DMXL1: variants seen among roughly 807,000 people sequenced by gnomAD.
The protein encoded by DMXL1 is dmX-like protein 1.
DMXL1 carries 99 observed loss-of-function variants against 319.2 expected under a neutral mutation model. The observed-to-expected ratio is 0.31, with a 90% CI of 0.26 to 0.37. DMXL1 has a LOEUF of 0.37. Ranked by LOEUF, DMXL1 falls within the 10% of genes least tolerant of loss-of-function variation. The pLI is 1.00. For synonymous variants in DMXL1, 1,385 were observed against 1,235.2 expected (o/e 1.12, Z -2.54); for missense variants, 3,745 against 3,595.6 (o/e 1.04, Z -1.06).
intron 3 of DMXL1, 37 bp from the exon 4 acceptor site, chr5:119,105,143 C>A: frequency 1.5e-6 from 2 of 1,318,606 alleles, no homozygotes; most frequent in South Asian, 1.2e-5. Flanking sequence ...GAAAATATGC[C>A]AATCATAATG....
chr5:119,235,607 C>T (rs553578195), intron 39 of DMXL1, among the ~76,000 whole-genome samples: 3 of 152,028 alleles, frequency 2.0e-5, no homozygotes, highest in Non-Finnish European at 4.4e-5. Context: ...AGAGAAAGGG[C>T]CTACCAAGTA....
At chr5:119,222,626 A>T (rs1216832772) in intron 37 of DMXL1, among the ~76,000 whole-genome samples, 1 of 152,172 alleles carries the variant, frequency 6.6e-6, no homozygotes, top group African/African-American at 2.4e-5. Context: ...TTCTTTACAC[A>T]GCAGCAGCCA....
chr5:119,103,144 A>T (rs558476054), intron 3 of DMXL1, among the ~76,000 whole-genome samples: 35 of 150,912 alleles, frequency 2.3e-4, no homozygotes, highest in Non-Finnish European at 2.4e-4. Flanking sequence ...ACTGGTTTCT[A>T]TTTCTGGGTC....
chr5:119,091,424 C>G (rs1283148197), intron 1 of DMXL1, among the ~76,000 whole-genome samples: 2 of 151,988 alleles, frequency 1.3e-5, no homozygotes, highest in African/African-American at 4.8e-5. Context: ...GCTGCCCAGC[C>G]TGGTTTCAAA....
chr5:119,072,556 AACT>A (rs1219521910), intron 1 of DMXL1, among the ~76,000 whole-genome samples: 3 of 152,290 alleles, frequency 2.0e-5, no homozygotes, highest in Admixed American at 2.0e-4. Context: ...ATAAAAGTAA[AACT>A]TAATTTTGTA....
At chr5:119,078,836 G>C (rs986640463) in intron 1 of DMXL1, among the ~76,000 whole-genome samples, 8 of 152,080 alleles carry the variant, frequency 5.3e-5, no homozygotes, top group African/African-American at 1.9e-4. Context: ...TTTAATTCTT[G>C]ACCTTATTAC....
chr5:119,153,229 G>A lies in DMXL1; in HGVS notation c.4702+1193G>A, dbSNP rs373782389. 1.0e-3 allele frequency among the ~76,000 whole-genome samples: 154 copies of A among 152,180 alleles called. 1 individual carries two copies. The highest frequency in any genetic ancestry group is 3.6e-3 in the African/African-American group (149 of 41,526). ...TGACCTCAAGCAATCCACCTGCCTC[G>A]GCCTCCCAAAGTGCTGGGCATTATG... On this transcript the variant is annotated intron_variant, in intron 19 of 43. Transcript: ENST00000539542.
chr5:119,161,174 C>A (rs1772187124), intron 19 of DMXL1, among the ~76,000 whole-genome samples: 2 of 152,280 alleles, frequency 1.3e-5, no homozygotes, highest in South Asian at 4.1e-4. Context: ...GCAGGGCTTG[C>A]AGTTGGGTTC....
chr5:119,238,314 A>G (rs1435300125), intron 40 of DMXL1, among the ~76,000 whole-genome samples: 2 of 152,052 alleles, frequency 1.3e-5, no homozygotes, highest in Non-Finnish European at 2.9e-5. Context: ...TGGTGTGGTG[A>G]TTTTGGGATA....
At chr5:119,121,892 C>T (rs1390455164) in intron 9 of DMXL1, among the ~76,000 whole-genome samples, 7 of 149,292 alleles carry the variant, frequency 4.7e-5, no homozygotes, top group Admixed American at 2.6e-4. Flanking sequence ...CTGGACGGGG[C>T]GGCTGGCCGG....
intron 34 of DMXL1, among the ~76,000 whole-genome samples, chr5:119,215,512 T>C (rs1019999340): frequency 3.9e-5 from 6 of 152,090 alleles, no homozygotes; most frequent in Non-Finnish European, 7.4e-5. Context: ...TAGTTAATTT[T>C]TGTAATTTTA....
intron 23 of DMXL1, among the ~76,000 whole-genome samples, chr5:119,169,277 T>C (rs148998270): frequency 1.3e-5 from 2 of 152,350 alleles, no homozygotes; most frequent in East Asian, 1.9e-4. Context: ...ATTAAACTTG[T>C]ATTCTTCTAG....
rs546975154 is a variant in DMXL1 at position 119,108,450 on chromosome 5, G to A, written c.365-1701G>A. Among the ~76,000 whole-genome samples, 28 of 152,116 alleles carry A rather than the reference G, an allele frequency of 1.8e-4. 1 individual carries two copies. In the South Asian group the frequency reaches 5.4e-3, roughly 29 times the overall value. On this transcript the variant is annotated intron_variant, in intron 4 of 43. Transcript: ENST00000539542. Reference sequence around the variant, plus strand: ...TTTTTTCATTTTTTCTTGAGACAGGGTCTTGCTCTGTTGCCCAGGCTAGAC... The same window carrying A: ...TTTTTTCATTTTTTCTTGAGACAGGATCTTGCTCTGTTGCCCAGGCTAGAC...
intron 13 of DMXL1, chr5:119,138,947 T>C (rs899513049): frequency 2.6e-5 from 4 of 152,228 alleles, no homozygotes; most frequent in African/African-American, 9.6e-5. Flanking sequence ...TGCAAATTCA[T>C]GAAGTGTTCC....
Position 119,149,169 on chromosome 5 carries a change from C to A in DMXL1, c.3342C>A (p.Ser1114Arg). 1 of 1,613,570 alleles carries A rather than the reference C, an allele frequency of 6.2e-7. No homozygotes were observed. ...TVLDSGISVD[S>R]NLVAYNKQDM... ...TGGATTCTGGCATTAGTGTTGATAG[C>A]AATTTAGTGGCCTATAATAAACAAG... Residue 1114 changes from serine (S) to arginine (R), a missense_variant, in exon 18 of 44, where the codon AGC (serine) becomes AGA (arginine). Ser to Arg is a moderately radical substitution (Grantham distance 110). This residue lies in a region of DMXL1 where 2,096 missense variants were observed against 1,985.4 expected (regional missense o/e 1.06). Coordinates refer to ENST00000539542, the MANE Select transcript of DMXL1 (RefSeq NM_001290321.3).
At chr5:119,166,819 T>C (rs1561775542) in intron 22 of DMXL1, 38 bp downstream of exon 22, 5 of 1,540,562 alleles carry the variant, frequency 3.2e-6, no homozygotes, top group Middle Eastern at 3.5e-4. Context: ...TATAGCAATG[T>C]CATCTTTTAA....
chr5:119,199,407 CT>C (rs1425714777), intron 32 of DMXL1, among the ~76,000 whole-genome samples: 3 of 152,238 alleles, frequency 2.0e-5, no homozygotes, highest in Non-Finnish European at 2.9e-5. Flanking sequence ...TGATCTCATT[CT>C]TTTTTATGGC....
intron 34 of DMXL1, among the ~76,000 whole-genome samples, chr5:119,209,584 G>A (rs1782380634): frequency 6.6e-6 from 1 of 152,126 alleles, no homozygotes; most frequent in African/African-American, 2.4e-5. Flanking sequence ...CTGGGCTCAA[G>A]CAGTCTTCCC....
In DMXL1 at chr5:119,071,251, CTGGCCGGTGAGTCGGCCCCGGGTCG is replaced by C. The variant is rs1749461218; in HGVS notation, c.-307_-283del. Reference sequence around the variant, plus strand: ...GAAGTGTGTGGACAGCGCGGCCTTCCTGGCCGGTGAGTCGGCCCCGGGTCGTGGCCGGTGAGGGGACCCTGAGCTT... The same window carrying C: ...GAAGTGTGTGGACAGCGCGGCCTTCCTGGCCGGTGAGGGGACCCTGAGCTT... On this transcript the variant is annotated 5_prime_UTR_variant, in exon 1 of 44. Coordinates refer to ENST00000539542, the MANE Select transcript of DMXL1 (RefSeq NM_001290321.3). 1 of 355,508 alleles carries C rather than the reference CTGGCCGGTGAGTCGGCCCCGGGTCG, an allele frequency of 2.8e-6. No individual in the cohort carries two copies. Among genetic ancestry groups the C allele is most frequent in the South Asian group, 2.6e-5 (1 of 39,080 alleles). The allele number at this position is 355,508 out of a possible 1,614,324, so 22.0% of individuals were successfully genotyped here.
Sources: gnomAD v4.1 joint callset for allele counts (sites outside exome capture counted in the v4.1 genomes callset) on GRCh38, gnomAD v4.1.1 for gene constraint, gnomAD v4.1.1 regional missense constraint, MANE v1.5 for transcripts, NCBI Gene and HGNC (gene_info 2026-07-23, HGNC 2026-07-21) for gene names.